Variants in KIAA2013 observed in about 807,000 individuals in gnomAD.
KIAA2013 encodes uncharacterized protein KIAA2013.
Under a neutral mutation model 39.9 loss-of-function variants are expected in KIAA2013, and 20 were observed. That is an observed-to-expected ratio of 0.50 (90% CI 0.35 to 0.73). KIAA2013 has a LOEUF of 0.73. Among genes scored for constraint, KIAA2013 ranks in the 30% least tolerant of loss-of-function variants. KIAA2013 has a pLI of 0.01. For missense variants in KIAA2013, 587 were observed against 856.1 expected (o/e 0.69, Z 3.92); for synonymous variants, 336 against 416.6 (o/e 0.81, Z 2.35).
chr1:11,920,846 TCTG>T (rs912456685), intron 2 of KIAA2013, among the ~76,000 whole-genome samples: 77 of 152,316 alleles, frequency 5.1e-4, no homozygotes, highest in African/African-American at 1.8e-3. Flanking sequence ...CAGGTCAAGT[TCTG>T]CTTCCTTTTC....
Position 11,923,286 on chromosome 1 carries a change from A to G in KIAA2013, c.1237T>C (p.Trp413Arg). The G allele has an allele frequency of 1.2e-6, 2 of 1,613,408 alleles. No individual in the cohort carries two copies. The highest frequency in any genetic ancestry group is 1.7e-6 in the Non-Finnish European group (2 of 1,179,558). The stretch of plus-strand genomic sequence containing the variant: ...TGGACGGAGGACAGCCGCCCCGGCC[A>G]CAGGTTCTCGGCGTGCATGGTGGCG... ...GHATMHAENL[W>R]PGRLSSVQQI... Residue 413 changes from tryptophan (W) to arginine (R), a missense_variant, in exon 2 of 3, where the codon TGG becomes CGG. By Grantham distance (101) the Trp-to-Arg change is moderately radical (BLOSUM62 -3). Transcript: ENST00000376572. The surrounding 1 kb of genome is among the most constrained non-coding windows in gnomAD (Gnocchi z 4.6).
In KIAA2013 at chr1:11,925,888, G is replaced by T. The variant is rs1229720154; in HGVS notation, c.350C>A (p.Ala117Asp). 1.2e-5 allele frequency: 19 copies of T among 1,526,580 alleles called. No individual in the cohort carries two copies. The highest frequency in any genetic ancestry group is 1.5e-5 in the Non-Finnish European group (17 of 1,143,824). The allele number at this position is 1,526,580 out of a possible 1,614,324, so 94.6% of individuals were successfully genotyped here. A position where few individuals can be genotyped will look rare whatever the true frequency, so the allele number is the denominator to read the frequency against. ...GAAGGGCACAAAGTCCGGCGCCACG[G>T]CGGGCTCCCGCTCCCCGGGAGTCAC... ...LWVTPGEREP[A>D]VAPDFVPFVQ... Residue 117 changes from alanine to aspartate, a missense_variant, in exon 1 of 3, where the codon GCC (alanine) becomes GAC (aspartate). Ala to Asp is a moderately radical substitution (Grantham distance 126). Coordinates refer to ENST00000376572, the MANE Select transcript of KIAA2013 (RefSeq NM_138346.3). The surrounding 1 kb of genome is among the most constrained non-coding windows in gnomAD (Gnocchi z 5.2).
In KIAA2013 at chr1:11,919,840, C is replaced by T. The variant is rs577731896; in HGVS notation, c.*475G>A. 17 of 186,254 alleles carry T rather than the reference C, an allele frequency of 9.1e-5. No individual in the cohort carries two copies. Among genetic ancestry groups the T allele is most frequent in the South Asian group, 2.9e-4 (3 of 10,298 alleles). The allele number at this position is 186,254 out of a possible 1,614,324, so 11.5% of individuals were successfully genotyped here. Reference sequence around the variant, plus strand: ...CCCAGCCTCGGGACCGTGGGGCCTCCGAACGCCGAGATGGACATCACCGCC... The same window carrying T: ...CCCAGCCTCGGGACCGTGGGGCCTCTGAACGCCGAGATGGACATCACCGCC... On this transcript the variant is annotated 3_prime_UTR_variant, in exon 3 of 3. Coordinates refer to ENST00000376572, the MANE Select transcript of KIAA2013 (RefSeq NM_138346.3).
At chr1:11,922,575 G>A (rs746777036) in intron 2 of KIAA2013, 61 bp downstream of exon 2, 26 of 1,590,692 alleles carry the variant, frequency 1.6e-5, no homozygotes, top group African/African-American at 1.3e-4. Flanking sequence ...AGCCCCTTCC[G>A]AGACACAGGG....
Position 11,923,320 on chromosome 1 carries a change from G to A in KIAA2013, c.1203C>T (p.Phe401=), listed in dbSNP as rs371398524. 4.4e-5 allele frequency: 71 copies of A among 1,613,526 alleles called. No individual in the cohort carries two copies. Among genetic ancestry groups the A allele is most frequent in the Non-Finnish European group, 6.0e-5 (71 of 1,179,752 alleles). The part of the protein sequence containing the change: ...ESTLNYEDHC[F]SGHATMHAEN... ...CGGCGTGCATGGTGGCGTGCCCGCTGAAGCAGTGATCTTCATAGTTGAGCG... is the reference window on the plus strand; with the variant it reads ...CGGCGTGCATGGTGGCGTGCCCGCTAAAGCAGTGATCTTCATAGTTGAGCG... The change falls in exon 2 of 3, where the codon TTC becomes TTT. Residue 401 remains phenylalanine (F), a synonymous_variant. Transcript: ENST00000376572. The surrounding 1 kb of genome is among the most constrained non-coding windows in gnomAD (Gnocchi z 4.6).
chr1:11,926,344 C>A lies in KIAA2013; in HGVS notation c.-107G>T. The A allele has an allele frequency of 2.4e-6, 1 of 412,022 alleles. No homozygotes were observed. The highest frequency in any genetic ancestry group is 9.2e-5 in the South Asian group (1 of 10,822). 25.5% of individuals were successfully genotyped at this position (412,022 alleles called of 1,614,324 possible). On this transcript the variant is annotated 5_prime_UTR_variant, in exon 1 of 3. Transcript: ENST00000376572. ...ACTGCCCGGCCCGGACCGCGGCGCCCACCCCGGCCCCCGCCGCAACCGCCG... is the reference window on the plus strand; with the variant it reads ...ACTGCCCGGCCCGGACCGCGGCGCCAACCCCGGCCCCCGCCGCAACCGCCG...
chr1:11,924,138 CAT>C (rs1410669673), intron 1 of KIAA2013, among the ~76,000 whole-genome samples: 1 of 152,072 alleles, frequency 6.6e-6, no homozygotes, highest in Non-Finnish European at 1.5e-5. Context: ...GATTTAAAAA[CAT>C]ACACACACAC....
rs139675838 is a variant in KIAA2013, at chr1:11,923,265, C to T, written c.1258G>A (p.Val420Ile). The change falls in exon 2 of 3, where the codon GTC becomes ATC. Residue 420 changes from valine to isoleucine, a missense_variant. Transcript: ENST00000376572. The surrounding 1 kb of genome is among the most constrained non-coding windows in gnomAD (Gnocchi z 4.6). ...TCAGAGAGCTGCAGGATCTGCTGGACGGAGGACAGCCGCCCCGGCCACAGG... is the reference window on the plus strand; with the variant it reads ...TCAGAGAGCTGCAGGATCTGCTGGATGGAGGACAGCCGCCCCGGCCACAGG... ...ENLWPGRLSSVQQILQLSDLW... is the reference protein window; with the variant it reads ...ENLWPGRLSSIQQILQLSDLW... The T allele has an allele frequency of 3.0e-5, 49 of 1,613,228 alleles. No homozygotes were observed. Among genetic ancestry groups the T allele is most frequent in the Admixed American group, 2.8e-4 (17 of 59,944 alleles).
chr1:11,924,195 G>A (rs1645491830), intron 1 of KIAA2013, among the ~76,000 whole-genome samples: 1 of 151,848 alleles, frequency 6.6e-6, no homozygotes, highest in Non-Finnish European at 1.5e-5. Flanking sequence ...CGGGCGCGGT[G>A]GCTCACGCCT....
intron 1 of KIAA2013, among the ~76,000 whole-genome samples, chr1:11,924,906 T>A (rs1001499995): frequency 1.3e-5 from 2 of 152,216 alleles, no homozygotes; most frequent in African/African-American, 4.8e-5. Context: ...CACTTCACTC[T>A]GCTCACATCA....
Position 11,925,986 on chromosome 1 carries a change from C to A in KIAA2013, c.252G>T (p.Pro84=), listed in dbSNP as rs1265477980. The A allele has an allele frequency of 6.5e-7, 1 of 1,528,272 alleles. No individual in the cohort carries two copies. The highest frequency in any genetic ancestry group is 8.7e-7 in the Non-Finnish European group (1 of 1,145,346). 94.7% of individuals were successfully genotyped at this position (1,528,272 alleles called of 1,614,324 possible). A position where few individuals can be genotyped will look rare whatever the true frequency, so the allele number is the denominator to read the frequency against. ...CCAGGGCCGGCACTCCAGGACCCAG[C>A]GGTACCACCTCACCGCGCTCCCGCA... ...RGLRERGEVV[P]LGPGVPALVA... is the part of the protein sequence containing the mutation. The change falls in exon 1 of 3, where the codon CCG becomes CCT. Residue 84 remains proline, a synonymous_variant. Coordinates refer to ENST00000376572, the MANE Select transcript of KIAA2013 (RefSeq NM_138346.3). This position sits in a 1 kb window ranked among gnomAD's most constrained non-coding sequence, Gnocchi z 5.2.
chr1:11,924,877 C>T (rs1645496765), intron 1 of KIAA2013, among the ~76,000 whole-genome samples: 2 of 152,204 alleles, frequency 1.3e-5, no homozygotes, highest in South Asian at 4.1e-4. Flanking sequence ...GGTTTCACCT[C>T]TGCAAACTGA....
Position 11,925,510 on chromosome 1 carries a change from T to A in KIAA2013, c.728A>T (p.Gln243Leu), listed in dbSNP as rs1557473354. The change falls in exon 1 of 3, where the codon CAG (glutamine) becomes CTG (leucine). Residue 243 changes from glutamine to leucine, a missense_variant. Gln to Leu is a moderately radical substitution (Grantham distance 113). Transcript: ENST00000376572. This position sits in a 1 kb window ranked among gnomAD's most constrained non-coding sequence, Gnocchi z 5.2. ...TSTLEKVGDH[Q>L]FLLYSGRSPP... ...GGACCGGCCTGAGTAGAGGAGGAAC[T>A]GATGGTCTCCGACCTTCTCCAGGGT... 6.2e-7 allele frequency: 1 copy of A among 1,604,464 alleles called. No individual in the cohort carries two copies. Among genetic ancestry groups the A allele is most frequent in the African/African-American group, 1.3e-5 (1 of 74,894 alleles).
At position 11,921,245 on chromosome 1, in the gene KIAA2013, G is replaced by A. The variant is rs115388123; in HGVS notation, c.1888-913C>T. Among the ~76,000 whole-genome samples, 1,420 of 152,264 alleles carry A rather than the reference G, an allele frequency of 9.3e-3. 17 individuals are homozygous for A. Among genetic ancestry groups the A allele is most frequent in the Non-Finnish European group, 0.016 (1,068 of 68,014 alleles). On this transcript the variant is annotated intron_variant, in intron 2 of 2. Transcript: ENST00000376572. ...AGGGCACAGTAGGCAGCCTCACCCC[G>A]CGACAGCAATGCTGATGCTAAGATG...
chr1:11,921,998 C>A (rs1645477520), intron 2 of KIAA2013, among the ~76,000 whole-genome samples: 1 of 151,696 alleles, frequency 6.6e-6, no homozygotes, highest in East Asian at 1.9e-4. Flanking sequence ...CAAGCGTGCA[C>A]CATCACGCCT....
Position 11,926,115 on chromosome 1 carries a change from C to A in KIAA2013, c.123G>T (p.Arg41=). 1 of 1,402,778 alleles carries A rather than the reference C, an allele frequency of 7.1e-7. No individual in the cohort carries two copies. The highest frequency in any genetic ancestry group is 9.3e-7 in the Non-Finnish European group (1 of 1,072,558). The allele number at this position is 1,402,778 out of a possible 1,614,324, so 86.9% of individuals were successfully genotyped here. Residue 41 remains arginine, a synonymous_variant, in exon 1 of 3, where the codon CGG becomes CGT. Coordinates refer to ENST00000376572, the MANE Select transcript of KIAA2013 (RefSeq NM_138346.3). ...LLLWFGGSGA[R]RAAGGLHLLP... is the part of the protein sequence containing the mutation. ...GCAGGTGCAGGCCGCCCGCCGCCCG[C>A]CGCGCGCCGGACCCCCCAAACCACA...
At chr1:11,920,419 G>A (rs371392987) in intron 2 of KIAA2013, 87 bp from the exon 3 acceptor site, 12 of 1,345,532 alleles carry the variant, frequency 8.9e-6, no homozygotes, top group Non-Finnish European at 1.3e-5. Context: ...GACAACCCTA[G>A]TGGCACCACA....
At chr1:11,920,378 C>G (rs376007944) in intron 2 of KIAA2013, 46 bp from the exon 3 acceptor site, 550 of 1,604,056 alleles carry the variant, frequency 3.4e-4, no homozygotes, top group Non-Finnish European at 4.4e-4. Flanking sequence ...ACTGCCAACC[C>G]CAGTGGCCAG....
rs1569630915 is a variant in KIAA2013, at chr1:11,920,150, C to G, written c.*165G>C. ...CCTCCCCACGTGACACTCATTCCTT[C>G]CAATGCAAACTCTGGTGTATCCACA... is the stretch of plus-strand genomic sequence containing the variant. On this transcript the variant is annotated 3_prime_UTR_variant, in exon 3 of 3. Coordinates refer to ENST00000376572, the MANE Select transcript of KIAA2013 (RefSeq NM_138346.3). 5 of 757,766 alleles carry G rather than the reference C, an allele frequency of 6.6e-6. No homozygotes were observed. In the East Asian group the frequency reaches 1.2e-4, roughly 19 times the overall value. 46.9% of individuals were successfully genotyped at this position (757,766 alleles called of 1,614,324 possible). A position where few individuals can be genotyped will look rare whatever the true frequency, so the allele number is the denominator to read the frequency against.
Sources: gnomAD v4.1 joint callset for allele counts (sites outside exome capture counted in the v4.1 genomes callset) on GRCh38, gnomAD v4.1.1 for gene constraint, Gnocchi (gnomAD v3.1) non-coding constraint, MANE v1.5 for transcripts, NCBI Gene and HGNC (gene_info 2026-07-23, HGNC 2026-07-21) for gene names.